NRP1: variants seen among roughly 807,000 people sequenced by gnomAD.
The protein encoded by NRP1 is neuropilin 1.
A neutral mutation model predicts 106.7 loss-of-function variants in NRP1; 35 were observed. That is an observed-to-expected ratio of 0.33 (90% CI 0.25 to 0.43). The LOEUF (loss-of-function observed/expected upper bound fraction) is 0.43, where lower values mean the gene tolerates loss of function less well. Ranked by LOEUF, NRP1 falls within the 20% of genes least tolerant of loss-of-function variation. The probability of loss-of-function intolerance (pLI) is 1.00; values close to 1 mark genes in which losing one functional copy is unlikely to be tolerated. For missense variants in NRP1, 1,024 were observed against 1,170.4 expected (o/e 0.87, Z 1.83); for synonymous variants, 437 against 417.9 (o/e 1.05, Z -0.56).
At position 33,180,008 on chromosome 10, in the gene NRP1, A is replaced by G. The variant is rs1835579176; in HGVS notation, c.*68T>C. 1 of 1,514,112 alleles carries G rather than the reference A, an allele frequency of 6.6e-7. No individual in the cohort carries two copies. Among genetic ancestry groups the G allele is most frequent in the Non-Finnish European group, 9.0e-7 (1 of 1,106,780 alleles). The allele number at this position is 1,514,112 out of a possible 1,614,324, so 93.8% of individuals were successfully genotyped here. A position where few individuals can be genotyped will look rare whatever the true frequency, so the allele number is the denominator to read the frequency against. ...TCCCAGCCTGTATAGTGAAAGATCA[A>G]CAGCTCCCCAGCTCACTCCCGTCCT... On this transcript the variant is annotated 3_prime_UTR_variant, in exon 17 of 17. Transcript: ENST00000374867.
intron 10 of NRP1, among the ~76,000 whole-genome samples, chr10:33,204,276 C>T (rs1000923097): frequency 1.8e-4 from 27 of 152,196 alleles, no homozygotes; most frequent in Middle Eastern, 3.4e-3. Flanking sequence ...AGCAGAGTTA[C>T]GGCACATGGA....
intron 6 of NRP1, among the ~76,000 whole-genome samples, chr10:33,241,078 T>C (rs1564413996): frequency 6.6e-6 from 1 of 152,184 alleles, no homozygotes; most frequent in Non-Finnish European, 1.5e-5. Flanking sequence ...GAAAATCTTG[T>C]GTAATTAGAA....
At position 33,207,669 on chromosome 10, in the gene NRP1, A is replaced by C; in HGVS notation, c.1662T>G (p.Phe554Leu). ...TGATGAATCGCGTGGAGAGAGCTGGAAAAGTCCGCAGCTCAGGTGTATCAT... is the reference window on the plus strand; with the variant it reads ...TGATGAATCGCGTGGAGAGAGCTGGCAAAGTCCGCAGCTCAGGTGTATCAT... ...NNYDTPELRTFPALSTRFIRI... is the reference protein window; with the variant it reads ...NNYDTPELRTLPALSTRFIRI... Residue 554 changes from phenylalanine to leucine, a missense_variant, in exon 10 of 17, where the codon TTT (phenylalanine) becomes TTG (leucine). By Grantham distance (22) the Phe-to-Leu change is conservative (BLOSUM62 0). Around this residue, in one of 5 missense-constraint regions of NRP1, gnomAD observed 562 missense variants for 620.3 expected, o/e 0.91. Transcript: ENST00000374867. 2 of 1,614,132 alleles carry C rather than the reference A, an allele frequency of 1.2e-6. No individual in the cohort carries two copies. The highest frequency in any genetic ancestry group is 2.2e-5 in the East Asian group (1 of 44,860).
At position 33,226,277 on chromosome 10, in the gene NRP1, G is replaced by C. The variant is rs1254302895; in HGVS notation, c.994C>G (p.Leu332Val). Residue 332 changes from leucine (L) to valine (V), a missense_variant, in exon 7 of 17, where the codon CTT becomes GTT. Coordinates refer to ENST00000374867, the MANE Select transcript of NRP1 (RefSeq NM_003873.7). ...YREWIQVDLG[L>V]LRFVTAVGTQ... is the part of the protein sequence containing the mutation. ...CCGACAGCCGTGACAAAGCGCAGAAGGCCCAAGTCTACCTGCAAGACAAGT... is the reference window on the plus strand; with the variant it reads ...CCGACAGCCGTGACAAAGCGCAGAACGCCCAAGTCTACCTGCAAGACAAGT... The C allele has an allele frequency of 2.5e-6, 4 of 1,613,992 alleles. No homozygotes were observed. The highest frequency in any genetic ancestry group is 3.4e-6 in the Non-Finnish European group (4 of 1,180,006).
At chr10:33,187,315 A>C (rs1836076680) in intron 13 of NRP1, among the ~76,000 whole-genome samples, 1 of 152,340 alleles carries the variant, frequency 6.6e-6, no homozygotes, top group South Asian at 2.1e-4. Context: ...TGTCACTATG[A>C]CTGCTTGATA....
intron 2 of NRP1, among the ~76,000 whole-genome samples, chr10:33,287,822 G>A (rs1844689335): frequency 6.6e-6 from 1 of 152,166 alleles, no homozygotes; most frequent in South Asian, 2.1e-4. Context: ...TCAATAGCAT[G>A]GGTGCTGTGG....
chr10:33,330,224 T>G (rs545536195), intron 2 of NRP1, among the ~76,000 whole-genome samples: 1 of 152,260 alleles, frequency 6.6e-6, no homozygotes, highest in Admixed American at 6.5e-5. Context: ...TCAAACTTAC[T>G]TAGTAAGATG....
chr10:33,255,735 G>A (rs543783188), intron 5 of NRP1, among the ~76,000 whole-genome samples: 5 of 152,284 alleles, frequency 3.3e-5, no homozygotes, highest in African/African-American at 1.2e-4. Flanking sequence ...TACAGAGTGA[G>A]CCACCAGTCC....
intron 2 of NRP1, among the ~76,000 whole-genome samples, chr10:33,287,484 G>A (rs921521952): frequency 4.6e-5 from 7 of 152,184 alleles, no homozygotes; most frequent in African/African-American, 1.7e-4. Context: ...TATTTACATA[G>A]CCCATTTTTC....
At chr10:33,228,376 G>A (rs1320176956) in intron 6 of NRP1, among the ~76,000 whole-genome samples, 1 of 151,868 alleles carries the variant, frequency 6.6e-6, no homozygotes, top group Non-Finnish European at 1.5e-5. Flanking sequence ...ACTCTGACTC[G>A]AAAAATAAAA....
chr10:33,269,664 G>A (rs1207921152), intron 3 of NRP1, among the ~76,000 whole-genome samples: 2 of 152,146 alleles, frequency 1.3e-5, no homozygotes, highest in African/African-American at 4.8e-5. Flanking sequence ...AGTGGCAGGC[G>A]AGCAAAGTGT....
intron 7 of NRP1, among the ~76,000 whole-genome samples, chr10:33,222,743 T>C (rs965266991): frequency 2.6e-5 from 4 of 152,160 alleles, no homozygotes; most frequent in Admixed American, 2.0e-4. Context: ...CAGGCTGGTG[T>C]TGAATTCCTT....
At chr10:33,276,781 C>T (rs1014671655) in intron 2 of NRP1, among the ~76,000 whole-genome samples, 11 of 152,102 alleles carry the variant, frequency 7.2e-5, no homozygotes, top group South Asian at 2.1e-4. Flanking sequence ...TAATACCTCA[C>T]TGATTTTTCT....
At chr10:33,198,136 A>T (rs1836931358) in intron 11 of NRP1, among the ~76,000 whole-genome samples, 1 of 111,424 alleles carries the variant, frequency 9.0e-6, no homozygotes, top group Non-Finnish European at 1.8e-5. Context: ...TTTTTTTTAA[A>T]TTTTTAAATT....
chr10:33,211,964 G>A (rs571183333), intron 9 of NRP1: 1 of 152,282 alleles, frequency 6.6e-6, no homozygotes, highest in East Asian at 1.9e-4. Context: ...CTGTAGGTTG[G>A]TCCATATTTG....
intron 2 of NRP1, among the ~76,000 whole-genome samples, chr10:33,280,359 G>C (rs1844028727): frequency 1.3e-5 from 2 of 152,150 alleles, no homozygotes; most frequent in African/African-American, 4.8e-5. Context: ...TCTAGTGTCA[G>C]ACTTGCAAAG....
chr10:33,216,592 T>C (rs1033305867), intron 8 of NRP1, among the ~76,000 whole-genome samples: 2 of 151,936 alleles, frequency 1.3e-5, no homozygotes, highest in African/African-American at 4.8e-5. Flanking sequence ...TAGCTAGGAC[T>C]ACATGTGGAT....
chr10:33,296,634 A>G (rs1845405737), intron 2 of NRP1, among the ~76,000 whole-genome samples: 1 of 152,170 alleles, frequency 6.6e-6, no homozygotes, highest in African/African-American at 2.4e-5. Context: ...TTTGTGTTCC[A>G]AGGCTTCACC....
At chr10:33,200,094 T>C (rs1028656943) in intron 11 of NRP1, among the ~76,000 whole-genome samples, 5 of 152,208 alleles carry the variant, frequency 3.3e-5, no homozygotes, top group Admixed American at 2.0e-4. Context: ...AGAAGGTGAA[T>C]CTATAATGGC....
Sources: gnomAD v4.1 joint callset for allele counts (sites outside exome capture counted in the v4.1 genomes callset) on GRCh38, gnomAD v4.1.1 for gene constraint, gnomAD v4.1.1 regional missense constraint, MANE v1.5 for transcripts, NCBI Gene and HGNC (gene_info 2026-07-23, HGNC 2026-07-21) for gene names.